CTIF: variants seen among roughly 807,000 people sequenced by gnomAD.
The protein encoded by CTIF is cap binding complex dependent translation initiation factor.
Under a neutral mutation model 66.0 loss-of-function variants are expected in CTIF, and 21 were observed. The observed-to-expected ratio is 0.32, with a 90% CI of 0.23 to 0.46. The LOEUF is 0.46. Among genes scored for constraint, CTIF ranks in the 20% least tolerant of loss-of-function variants. The pLI is 1.00. For synonymous variants in CTIF, 345 were observed against 326.4 expected (o/e 1.06, Z -0.62); for missense variants, 739 against 812.7 (o/e 0.91, Z 1.10).
intron 7 of CTIF, among the ~76,000 whole-genome samples, chr18:48,725,979 G>A (rs1012080204): frequency 2.0e-5 from 3 of 152,048 alleles, no homozygotes; most frequent in Non-Finnish European, 2.9e-5. Context: ...GACTTCATTC[G>A]AGTCCTGTCA....
chr18:48,606,147 C>A (rs148512120), intron 1 of CTIF, among the ~76,000 whole-genome samples: 7 of 152,326 alleles, frequency 4.6e-5, no homozygotes, highest in African/African-American at 1.7e-4. Context: ...TTCTCATACC[C>A]TCTAACCAGA....
intron 6 of CTIF, among the ~76,000 whole-genome samples, chr18:48,701,969 C>T (rs372385669): frequency 9.9e-5 from 15 of 152,164 alleles, no homozygotes; most frequent in East Asian, 5.8e-4. Context: ...GTATTTTAAA[C>T]GTAAAAAGAA....
chr18:48,571,673 A>G (rs2089418601), intron 1 of CTIF, among the ~76,000 whole-genome samples: 1 of 152,098 alleles, frequency 6.6e-6, no homozygotes, highest in African/African-American at 2.4e-5. Context: ...ATTCTATAGT[A>G]TGGCTATACC....
chr18:48,734,495 G>A (rs1269157004), intron 7 of CTIF, among the ~76,000 whole-genome samples: 4 of 152,238 alleles, frequency 2.6e-5, no homozygotes, highest in Admixed American at 2.6e-4. Context: ...GAACGCGGGA[G>A]GCAGAGGTTG....
chr18:48,657,491 C>T (rs377261242), intron 3 of CTIF, among the ~76,000 whole-genome samples: 39 of 152,302 alleles, frequency 2.6e-4, no homozygotes, highest in African/African-American at 9.1e-4. Flanking sequence ...CACCAACCCT[C>T]CCTTCTCTCA....
At chr18:48,801,353 A>G (rs1450622813) in intron 9 of CTIF, among the ~76,000 whole-genome samples, 1 of 152,216 alleles carries the variant, frequency 6.6e-6, no homozygotes, top group East Asian at 1.9e-4. Flanking sequence ...CAAGCTCCCT[A>G]GACTTTGTGT....
At chr18:48,783,723 G>A (rs765273849) in intron 9 of CTIF, among the ~76,000 whole-genome samples, 47 of 152,002 alleles carry the variant, frequency 3.1e-4, no homozygotes, top group African/African-American at 5.8e-4. Flanking sequence ...TTCCTCCCAC[G>A]TGGCTGGGAA....
intron 11 of CTIF, 151 bp from the exon 12 acceptor site, chr18:48,859,193 C>T (rs1031604798): frequency 1.2e-5 from 8 of 694,968 alleles, no homozygotes; most frequent in African/African-American, 8.8e-5. Flanking sequence ...CTTCCACTCT[C>T]CCTGTCCTCA....
At chr18:48,590,671 C>A (rs1196290905) in intron 1 of CTIF, among the ~76,000 whole-genome samples, 1 of 152,212 alleles carries the variant, frequency 6.6e-6, no homozygotes, top group Admixed American at 6.5e-5. Context: ...CCAGGCACCA[C>A]CTTCGCCAGA....
At chr18:48,614,210 G>A (rs2090357890) in intron 1 of CTIF, among the ~76,000 whole-genome samples, 1 of 152,150 alleles carries the variant, frequency 6.6e-6, no homozygotes, top group African/African-American at 2.4e-5. Context: ...GAGCCAGGCT[G>A]AAACCCCCAA....
chr18:48,702,320 T>C (rs6650646), intron 6 of CTIF, among the ~76,000 whole-genome samples: 45,029 of 151,996 alleles, frequency 0.3, 7,296 homozygotes, highest in African/African-American at 0.42. Flanking sequence ...ATGAAAACCA[T>C]CTGGATATAG....
intron 1 of CTIF, among the ~76,000 whole-genome samples, chr18:48,562,090 A>G (rs2089175758): frequency 6.6e-6 from 1 of 152,270 alleles, no homozygotes; most frequent in Non-Finnish European, 1.5e-5. Flanking sequence ...AATGGTTTTC[A>G]ACTTCATTTT....
chr18:48,720,167 A>G (rs1456171747), intron 7 of CTIF, among the ~76,000 whole-genome samples: 2 of 152,246 alleles, frequency 1.3e-5, no homozygotes, highest in Non-Finnish European at 2.9e-5. Context: ...AAAACAGAGT[A>G]GAGAGATGCT....
intron 7 of CTIF, among the ~76,000 whole-genome samples, chr18:48,728,522 G>A (rs575971814): frequency 1.1e-4 from 16 of 152,178 alleles, no homozygotes; most frequent in African/African-American, 2.4e-4. Context: ...AGGGTCTCTC[G>A]TGAGATTGTG....
intron 2 of CTIF, among the ~76,000 whole-genome samples, chr18:48,626,292 C>T (rs77917826): frequency 0.077 from 11,654 of 151,920 alleles, 522 homozygotes; most frequent in South Asian, 0.14. Context: ...TGAGCCACCG[C>T]GCCCGGCCAC....
intron 2 of CTIF, among the ~76,000 whole-genome samples, chr18:48,632,858 G>T (rs1334830240): frequency 6.6e-6 from 1 of 151,994 alleles, no homozygotes; most frequent in Admixed American, 6.6e-5. Context: ...GACACTCTTT[G>T]TTGAGGGCCC....
At chr18:48,551,905 C>T (rs564244663) in intron 1 of CTIF, among the ~76,000 whole-genome samples, 1 of 152,162 alleles carries the variant, frequency 6.6e-6, no homozygotes, top group South Asian at 2.1e-4. Context: ...TCACGCCATT[C>T]TCCTGCCTCA....
At chr18:48,594,710 C>T (rs1304360128) in intron 1 of CTIF, among the ~76,000 whole-genome samples, 2 of 152,244 alleles carry the variant, frequency 1.3e-5, no homozygotes, top group Non-Finnish European at 2.9e-5. Flanking sequence ...TGTCCCCCTC[C>T]TGTGCCCATC....
rs1197685837 is a variant in CTIF, at chr18:48,610,229, G to T, written c.-28-9309G>T. On this transcript the variant is annotated intron_variant, in intron 1 of 11. Transcript: ENST00000256413. The stretch of plus-strand genomic sequence containing the variant: ...TGGGTAGCAGCCCAGAGGCGGAGGA[G>T]AAGGTGTCACCAGGCAGCCTGGGTT... 2.6e-5 allele frequency among the ~76,000 whole-genome samples: 4 copies of T among 152,336 alleles called. No individual in the cohort carries two copies. In the East Asian group the frequency reaches 5.8e-4, roughly 22 times the overall value.
Sources: allele counts gnomAD v4.1 joint callset (sites outside exome capture counted in the v4.1 genomes callset), GRCh38; gene constraint gnomAD v4.1.1; transcripts MANE v1.5; gene names NCBI Gene and HGNC (gene_info 2026-07-23, HGNC 2026-07-21).